Variants in ERBB2 observed in about 807,000 individuals in gnomAD.
ERBB2 encodes erb-b2 receptor tyrosine kinase 2, also known as receptor tyrosine-protein kinase erbB-2.
A neutral mutation model predicts 149.0 loss-of-function variants in ERBB2; 61 were observed. That is an observed-to-expected ratio of 0.41 (90% CI 0.33 to 0.51). The LOEUF (loss-of-function observed/expected upper bound fraction) is 0.51. ERBB2 is among the 20% of genes least tolerant of loss of function. The pLI, the probability that ERBB2 is intolerant of heterozygous loss-of-function variation, is 0.25. For synonymous variants in ERBB2, 633 were observed against 678.8 expected (o/e 0.93, Z 1.05); for missense variants, 1,205 against 1,655.1 (o/e 0.73, Z 4.72).
upstream of ERBB2, among the ~76,000 whole-genome samples, chr17:39,691,957 A>ATATATATATATCTC (rs964668266): frequency 6.9e-6 from 1 of 145,370 alleles, no homozygotes; most frequent in African/African-American, 2.6e-5. Flanking sequence ...ATATATATAT[A>ATATATATATATCTC]TCTCTTGTGT....
At chr17:39,692,650 C>A (rs899730941), upstream of ERBB2, among the ~76,000 whole-genome samples, 4 of 152,050 alleles carry the variant, frequency 2.6e-5, no homozygotes, top group African/African-American at 9.7e-5. Context: ...GGTGATCCGT[C>A]CGCCTCAGCC....
At chr17:39,714,311 T>C (rs778301690) in intron 9 of ERBB2, among the ~76,000 whole-genome samples, 5 of 152,188 alleles carry the variant, frequency 3.3e-5, no homozygotes, top group Admixed American at 6.5e-5. Flanking sequence ...TGCCTTGTTC[T>C]TTCAATAGCT....
upstream of ERBB2, among the ~76,000 whole-genome samples, chr17:39,697,057 T>G (rs912826022): frequency 1.8e-4 from 28 of 151,874 alleles, no homozygotes; most frequent in Non-Finnish European, 3.5e-4. Flanking sequence ...GGGGTGAGAG[T>G]AAGGGGTCAG....
rs4252637 is a variant in ERBB2 at position 39,717,145 on chromosome 17, C to T, written c.1738-175C>T. On this transcript the variant is annotated intron_variant, in intron 14 of 26. Transcript: ENST00000269571. ...CAGGATCAAGCTTGGAGGAGGGCCC[C>T]GAGGGAGGGGCCACAGAGACTGGGT... 5.2e-5 allele frequency: 28 copies of T among 537,786 alleles called. 1 individual carries two copies. Among genetic ancestry groups the T allele is most frequent in the South Asian group, 2.0e-4 (6 of 30,506 alleles). 33.3% of individuals were successfully genotyped at this position (537,786 alleles called of 1,614,324 possible).
In ERBB2 at chr17:39,724,267, C is replaced by T. The variant is rs564939766; in HGVS notation, c.2307+257C>T. ...CTGAGTAGCTGGGATTACAAGCGCC[C>T]GCTAATTTTTTTTTTTTTTTTGAGA... On this transcript the variant is annotated intron_variant, in intron 19 of 26. Coordinates refer to ENST00000269571, the MANE Select transcript of ERBB2 (RefSeq NM_004448.4). Among the ~76,000 whole-genome samples, 12 of 56,752 alleles carry T rather than the reference C, an allele frequency of 2.1e-4. No homozygotes were observed. In the East Asian group the frequency reaches 3.3e-3, roughly 16 times the overall value. 37.2% of individuals were successfully genotyped at this position (56,752 alleles called of 152,430 possible). A position where few individuals can be genotyped will look rare whatever the true frequency, so the allele number is the denominator to read the frequency against.
chr17:39,717,346 C>T lies in ERBB2; in HGVS notation c.1764C>T (p.Ala588=), dbSNP rs1198692780. 6.2e-7 allele frequency: 1 copy of T among 1,612,384 alleles called. No individual in the cohort carries two copies. Among genetic ancestry groups the T allele is most frequent in the Non-Finnish European group, 8.5e-7 (1 of 1,179,902 alleles). ...GPEADQCVAC[A]HYKDPPFCVA... ...AGGCTGACCAGTGTGTGGCCTGTGCCCACTATAAGGACCCTCCCTTCTGCG... is the reference window on the plus strand; with the variant it reads ...AGGCTGACCAGTGTGTGGCCTGTGCTCACTATAAGGACCCTCCCTTCTGCG... The change falls in exon 15 of 27, where the codon GCC becomes GCT. Residue 588 remains alanine, a synonymous_variant. Coordinates refer to ENST00000269571, the MANE Select transcript of ERBB2 (RefSeq NM_004448.4).
Position 39,715,827 on chromosome 17 carries a change from C to A in ERBB2, c.1401C>A (p.Leu467=), listed in dbSNP as rs2145655173. The A allele has an allele frequency of 6.2e-7, 1 of 1,611,804 alleles. No homozygotes were observed. Among genetic ancestry groups the A allele is most frequent in the Admixed American group, 1.7e-5 (1 of 60,020 alleles). ...SLRELGSGLA[L]IHHNTHLCFV... is the part of the protein sequence containing the mutation. ...GGGAACTGGGCAGTGGACTGGCCCT[C>A]ATCCACCATAACACCCACCTCTGCT... Residue 467 remains leucine (L), a synonymous_variant, in exon 12 of 27, where the codon CTC becomes CTA. Transcript: ENST00000269571.
chr17:39,694,260 T>TACACAC (rs55761415), upstream of ERBB2, among the ~76,000 whole-genome samples: 2,638 of 23,218 alleles, frequency 0.11, 300 homozygotes, highest in South Asian at 0.19. Flanking sequence ...TATATATATA[T>TACACAC]ATATATATGT....
intron 5 of ERBB2, 56 bp downstream of exon 5, chr17:39,709,937 T>A (rs2145495848): frequency 6.4e-7 from 1 of 1,562,228 alleles, no homozygotes; most frequent in Non-Finnish European, 8.8e-7. Context: ...CCGGGTGGAA[T>A]GCAGGTGTCA....
rs1567915835 is a variant in ERBB2, at chr17:39,726,953, C to T, written c.3109C>T (p.Pro1037Ser). 1 of 1,612,428 alleles carries T rather than the reference C, an allele frequency of 6.2e-7. No homozygotes were observed. Among genetic ancestry groups the T allele is most frequent in the East Asian group, 2.2e-5 (1 of 44,874 alleles). Residue 1037 changes from proline (P) to serine (S), a missense_variant, in exon 25 of 27, where the codon CCG becomes TCG. Physicochemically the swap from Pro to Ser is moderately conservative, Grantham distance 74. Transcript: ENST00000269571. The surrounding 1 kb of genome is among the most constrained non-coding windows in gnomAD (Gnocchi z 5.1). ...GGGCTTCTTCTGTCCAGACCCTGCC[C>T]CGGGCGCTGGGGGCATGGTCCACCA... ...QQGFFCPDPA[P>S]GAGGMVHHRH...
upstream of ERBB2, among the ~76,000 whole-genome samples, chr17:39,692,281 C>T (rs190395996): frequency 4.6e-5 from 7 of 151,750 alleles, no homozygotes; most frequent in East Asian, 3.9e-4. Flanking sequence ...ACGTGTTATG[C>T]GCGTAGTATT....
Position 39,723,218 on chromosome 17 carries a change from C to T in ERBB2, c.1947-101C>T. 7.8e-7 allele frequency: 1 copy of T among 1,279,414 alleles called. No homozygotes were observed. Among genetic ancestry groups the T allele is most frequent in the South Asian group, 1.4e-5 (1 of 73,992 alleles). The allele number at this position is 1,279,414 out of a possible 1,614,324, so 79.3% of individuals were successfully genotyped here. A position where few individuals can be genotyped will look rare whatever the true frequency, so the allele number is the denominator to read the frequency against. ...AGCCTGTGGGTCACCCTTCCGACTTCCCTTTCCGAATGCCAAACACCTTCA... is the reference window on the plus strand; with the variant it reads ...AGCCTGTGGGTCACCCTTCCGACTTTCCTTTCCGAATGCCAAACACCTTCA... On this transcript the variant is annotated intron_variant, in intron 16 of 26. Coordinates refer to ENST00000269571, the MANE Select transcript of ERBB2 (RefSeq NM_004448.4). This position sits in a 1 kb window ranked among gnomAD's most constrained non-coding sequence, Gnocchi z 6.2.
In ERBB2 at chr17:39,725,862, C is replaced by T. The variant is rs2143080400; in HGVS notation, c.2872+9C>T. ...CATGATCATGGTCAAATGTGCGTGGCTGAGCTGTGCTGGCTGCCTGGAGGA... is the reference window on the plus strand; with the variant it reads ...CATGATCATGGTCAAATGTGCGTGGTTGAGCTGTGCTGGCTGCCTGGAGGA... On this transcript the variant is annotated intron_variant, in intron 23 of 26. Coordinates refer to ENST00000269571, the MANE Select transcript of ERBB2 (RefSeq NM_004448.4). The surrounding 1 kb of genome is among the most constrained non-coding windows in gnomAD (Gnocchi z 4.6). The T allele has an allele frequency of 6.2e-7, 1 of 1,613,310 alleles. No individual in the cohort carries two copies. Among genetic ancestry groups the T allele is most frequent in the African/African-American group, 1.3e-5 (1 of 75,010 alleles).
At position 39,716,295 on chromosome 17, in the gene ERBB2, C is replaced by T. The variant is rs1019052416; in HGVS notation, c.1514-6C>T. On this transcript the variant is annotated splice_polypyrimidine_tract_variant and splice_region_variant and intron_variant, in intron 12 of 26. Coordinates refer to ENST00000269571, the MANE Select transcript of ERBB2 (RefSeq NM_004448.4). Reference sequence around the variant, plus strand: ...GTCCCCTGCGGTCCCTTCCTCCTCACTGCAGTGGGCGAGGGCCTGGCCTGC... The same window carrying T: ...GTCCCCTGCGGTCCCTTCCTCCTCATTGCAGTGGGCGAGGGCCTGGCCTGC... 3.2e-6 allele frequency: 5 copies of T among 1,580,508 alleles called. No individual in the cohort carries two copies. Among genetic ancestry groups the T allele is most frequent in the East Asian group, 2.3e-5 (1 of 43,412 alleles).
Position 39,704,746 on chromosome 17 carries a change from T to C in ERBB2, c.74-2244T>C, listed in dbSNP as rs369151010. ...CTCAGGGTACCAATTTTACCACCTG[T>C]CTGCAAACACTTTAAGATTCTTAAT... On this transcript the variant is annotated intron_variant, in intron 1 of 26. Coordinates refer to ENST00000269571, the MANE Select transcript of ERBB2 (RefSeq NM_004448.4). 3.9e-5 allele frequency among the ~76,000 whole-genome samples: 6 copies of C among 152,168 alleles called. No individual in the cohort carries two copies. In the South Asian group the frequency reaches 1.0e-3, roughly 26 times the overall value.
upstream of ERBB2, among the ~76,000 whole-genome samples, chr17:39,690,847 G>A (rs1164666654): frequency 6.6e-6 from 1 of 152,102 alleles, no homozygotes; most frequent in African/African-American, 2.4e-5. Context: ...AAAAGACAAA[G>A]CATATGTTAA....
intron 16 of ERBB2, among the ~76,000 whole-genome samples, chr17:39,721,979 C>T (rs992926609): frequency 3.9e-5 from 6 of 151,910 alleles, no homozygotes; most frequent in African/African-American, 9.7e-5. Context: ...AGTGCAATGG[C>T]GCAGTCTTGG....
chr17:39,727,119 T>A lies in ERBB2; in HGVS notation c.3159+116T>A. On this transcript the variant is annotated intron_variant, in intron 25 of 26. Coordinates refer to ENST00000269571, the MANE Select transcript of ERBB2 (RefSeq NM_004448.4). The surrounding 1 kb of genome is among the most constrained non-coding windows in gnomAD (Gnocchi z 4.3). ...GTCACCTCTCAAGGAAACCCCATTA[T>A]CCCTACAAAAAATTCTTACTGCCTT... The A allele has an allele frequency of 8.0e-7, 1 of 1,244,752 alleles. No homozygotes were observed. Among genetic ancestry groups the A allele is most frequent in the Non-Finnish European group, 1.1e-6 (1 of 894,754 alleles). 77.1% of individuals were successfully genotyped at this position (1,244,752 alleles called of 1,614,324 possible). A position where few individuals can be genotyped will look rare whatever the true frequency, so the allele number is the denominator to read the frequency against.
intron 9 of ERBB2, among the ~76,000 whole-genome samples, chr17:39,712,837 A>T (rs1261554122): frequency 1.3e-5 from 2 of 152,238 alleles, no homozygotes; most frequent in African/African-American, 4.8e-5. Context: ...TGAACTACCG[A>T]TACAACATAA....
Sources: gnomAD v4.1 joint callset for allele counts (sites outside exome capture counted in the v4.1 genomes callset) on GRCh38, gnomAD v4.1.1 for gene constraint, Gnocchi (gnomAD v3.1) non-coding constraint, MANE v1.5 for transcripts, NCBI Gene and HGNC (gene_info 2026-07-23, HGNC 2026-07-21) for gene names.